The following RORA variants were observed in gnomAD, a reference collection of about 807,000 sequenced individuals.
RORA encodes nuclear receptor ROR-alpha.
In RORA, 7 loss-of-function variants were observed where a neutral mutation model predicts 69.5. That is an observed-to-expected ratio of 0.10 (90% CI 0.06 to 0.19). RORA has a LOEUF of 0.19. Among genes scored for constraint, RORA ranks in the 10% least tolerant of loss-of-function variants. The pLI, the probability that RORA is intolerant of heterozygous loss-of-function variation, is 1.00. For missense variants in RORA, 457 were observed against 663.0 expected, an observed-to-expected ratio of 0.69 and a Z score of 3.41; for synonymous variants, 261 against 240.8, an observed-to-expected ratio of 1.08 and a Z score of -0.78.
intron 1 of RORA, among the ~76,000 whole-genome samples, chr15:61,111,659 C>T (rs538009678): frequency 2.6e-4 from 39 of 152,114 alleles, no homozygotes; most frequent in African/African-American, 9.4e-4. Context: ...CAAGTATGCC[C>T]TTATTTTTGT....
chr15:60,628,281 G>A lies in RORA; in HGVS notation c.196+50376C>T, dbSNP rs368906428. On this transcript the variant is annotated intron_variant, in intron 2 of 10. Transcript: ENST00000335670. ...TTTTGATGATCTTGCCAGTTTTGAG[G>A]AGTACTGGTCAGCAGTGTTGTAGAA... Among the ~76,000 whole-genome samples the A allele has an allele frequency of 2.0e-3, 305 of 152,290 alleles. 1 individual carries two copies. The highest frequency in any genetic ancestry group is 7.1e-3 in the African/African-American group (294 of 41,554).
intron 1 of RORA, among the ~76,000 whole-genome samples, chr15:60,986,024 G>A (rs1038876973): frequency 6.6e-6 from 1 of 152,160 alleles, no homozygotes; most frequent in African/African-American, 2.4e-5. Flanking sequence ...AAAAGTCCCT[G>A]GGCCCTAAGA....
At position 60,675,595 on chromosome 15, in the gene RORA, T is replaced by G. The variant is rs1014863654; in HGVS notation, c.196+3062A>C. On this transcript the variant is annotated intron_variant, in intron 2 of 10. Transcript: ENST00000335670. ...ACTTAAGGTACCCTTCTCAGAAGCT[T>G]AGGAGAAACTGAGTTCTCCAAAGAC... is the stretch of plus-strand genomic sequence containing the variant. Among the ~76,000 whole-genome samples the G allele has an allele frequency of 7.2e-5, 11 of 152,310 alleles. No individual in the cohort carries two copies. In the South Asian group the frequency reaches 2.3e-3, roughly 32 times the overall value.
chr15:61,029,846 C>T (rs774251378), intron 1 of RORA, among the ~76,000 whole-genome samples: 9 of 152,084 alleles, frequency 5.9e-5, no homozygotes, highest in Non-Finnish European at 1.2e-4. Context: ...CCAAAAAGGG[C>T]CACGAGGAAG....
intron 1 of RORA, among the ~76,000 whole-genome samples, chr15:60,956,309 T>G (rs1893266388): frequency 6.6e-6 from 1 of 152,250 alleles, no homozygotes; most frequent in East Asian, 1.9e-4. Flanking sequence ...ATTCTTCATG[T>G]ATTACCATTT....
At chr15:60,881,796 T>C (rs2073683386) in intron 1 of RORA, among the ~76,000 whole-genome samples, 1 of 152,194 alleles carries the variant, frequency 6.6e-6, no homozygotes, top group African/African-American at 2.4e-5. Context: ...GAGTTCACAT[T>C]TGAAGCTCTT....
rs77249484 is a variant in RORA at position 60,930,933 on chromosome 15, G to C, written c.167-252247C>G. Among the ~76,000 whole-genome samples, 336 of 152,296 alleles carry C rather than the reference G, an allele frequency of 2.2e-3. 1 individual carries two copies. Among genetic ancestry groups the C allele is most frequent in the Middle Eastern group, 6.8e-3 (2 of 294 alleles). On this transcript the variant is annotated intron_variant, in intron 1 of 10. Coordinates refer to ENST00000335670, the MANE Select transcript of RORA (RefSeq NM_134261.3). ...ATGAGGCCTCTTACGTCTTGCTTAA[G>C]GATAAAAGTGGCCCTTGAAAAACAG...
chr15:61,013,951 T>G (rs927189029), intron 1 of RORA, among the ~76,000 whole-genome samples: 3 of 151,964 alleles, frequency 2.0e-5, no homozygotes, highest in Non-Finnish European at 4.4e-5. Context: ...GCCAGGCTAA[T>G]TTTTTGTATT....
intron 1 of RORA, among the ~76,000 whole-genome samples, chr15:60,727,403 G>T (rs745678318): frequency 3.3e-5 from 5 of 152,166 alleles, no homozygotes; most frequent in Non-Finnish European, 5.9e-5. Flanking sequence ...ACACATTGCT[G>T]TAATAGTTCT....
chr15:60,524,885 G>A (rs1438276314), intron 3 of RORA, among the ~76,000 whole-genome samples: 2 of 152,194 alleles, frequency 1.3e-5, no homozygotes, highest in Non-Finnish European at 2.9e-5. Context: ...TTACAAATGA[G>A]AAAGTTAAAC....
At chr15:61,027,340 A>G (rs888527752) in intron 1 of RORA, among the ~76,000 whole-genome samples, 2 of 152,178 alleles carry the variant, frequency 1.3e-5, no homozygotes, top group East Asian at 3.8e-4. Flanking sequence ...ATACCTTTCT[A>G]TTGGAGCCAT....
At chr15:61,148,290 TC>T (rs1323129700) in intron 1 of RORA, among the ~76,000 whole-genome samples, 7 of 152,282 alleles carry the variant, frequency 4.6e-5, no homozygotes, top group African/African-American at 1.7e-4. Context: ...GGAGGTATGG[TC>T]CTTAACACAG....
chr15:60,882,529 G>A (rs1166274208), intron 1 of RORA, among the ~76,000 whole-genome samples: 1 of 152,096 alleles, frequency 6.6e-6, no homozygotes, highest in Non-Finnish European at 1.5e-5. Flanking sequence ...GAACTACCCA[G>A]TTTGGAGGTG....
At chr15:61,171,482 C>G (rs755222339) in intron 1 of RORA, among the ~76,000 whole-genome samples, 16 of 152,160 alleles carry the variant, frequency 1.1e-4, no homozygotes, top group Admixed American at 7.2e-4. Context: ...CAGGCCCACA[C>G]CCTAAGAACC....
intron 1 of RORA, among the ~76,000 whole-genome samples, chr15:60,979,431 A>G (rs1893973553): frequency 6.6e-6 from 1 of 152,056 alleles, no homozygotes. Context: ...TTGAATCTGT[A>G]TATCAATCAG....
chr15:61,059,380 T>C lies in RORA; in HGVS notation c.166+169673A>G, dbSNP rs148862425. 7.1e-4 allele frequency among the ~76,000 whole-genome samples: 108 copies of C among 152,374 alleles called. No homozygotes were observed. The East Asian group carries it at 0.017, about 24-fold the overall frequency. ...GGTATCAGATGTTCACTGCACACCTTAGAGTGATGTTTATTCAACTGTAGA... is the reference window on the plus strand; with the variant it reads ...GGTATCAGATGTTCACTGCACACCTCAGAGTGATGTTTATTCAACTGTAGA... On this transcript the variant is annotated intron_variant, in intron 1 of 10. Coordinates refer to ENST00000335670, the MANE Select transcript of RORA (RefSeq NM_134261.3).
chr15:61,186,992 A>G (rs1451108715), intron 1 of RORA, among the ~76,000 whole-genome samples: 1 of 152,236 alleles, frequency 6.6e-6, no homozygotes, highest in Non-Finnish European at 1.5e-5. Context: ...TGGAGAGCAC[A>G]CGGACTACTT....
At chr15:60,994,371 T>G (rs1894466592) in intron 1 of RORA, among the ~76,000 whole-genome samples, 1 of 152,232 alleles carries the variant, frequency 6.6e-6, no homozygotes, top group South Asian at 2.1e-4. Flanking sequence ...TGCTACCGAT[T>G]TTCTTTAAAA....
intron 1 of RORA, among the ~76,000 whole-genome samples, chr15:60,944,342 C>T (rs7174620): frequency 0.99 from 150,419 of 152,254 alleles, 74,332 homozygotes; most frequent in Middle Eastern, 1. Flanking sequence ...CAGTGAACAC[C>T]GTACTAAGGG....
Sources: allele counts gnomAD v4.1 joint callset (sites outside exome capture counted in the v4.1 genomes callset), GRCh38; gene constraint gnomAD v4.1.1; transcripts MANE v1.5; gene names NCBI Gene and HGNC (gene_info 2026-07-23, HGNC 2026-07-21).